Variants in ITPRID1 observed in about 807,000 individuals in gnomAD.
The protein encoded by ITPRID1 is protein ITPRID1.
Under a neutral mutation model 95.4 loss-of-function variants are expected in ITPRID1, and 96 were observed. The ratio of observed to expected loss-of-function variants is 1.01; its 90% CI spans 0.85 to 1.19. The LOEUF is 1.19. Ranked by LOEUF, ITPRID1 falls within the 50% of genes most tolerant of loss-of-function variation. The pLI, the probability that ITPRID1 is intolerant of heterozygous loss-of-function variation, is 0.00. For synonymous variants in ITPRID1, 510 were observed against 453.6 expected (o/e 1.12, Z -1.58); for missense variants, 1,339 against 1,252.9 (o/e 1.07, Z -1.04).
Position 31,653,845 on chromosome 7 carries a change from A to C in ITPRID1, c.*1016A>C, listed in dbSNP as rs1679485035. Among the ~76,000 whole-genome samples, 1 of 152,214 alleles carries C rather than the reference A, an allele frequency of 6.6e-6. No homozygotes were observed. Among genetic ancestry groups the C allele is most frequent in the African/African-American group, 2.4e-5 (1 of 41,458 alleles). ...CACAGAAGGGAATCCGATTTAGATCAATGTTCAGACAGCCCTGGTTGAGGA... is the reference window on the plus strand; with the variant it reads ...CACAGAAGGGAATCCGATTTAGATCCATGTTCAGACAGCCCTGGTTGAGGA... On this transcript the variant is annotated 3_prime_UTR_variant, in exon 15 of 15. Transcript: ENST00000615280.
chr7:31,588,213 A>C (rs1485568938), intron 10 of ITPRID1, among the ~76,000 whole-genome samples: 1 of 152,180 alleles, frequency 6.6e-6, no homozygotes, highest in African/African-American at 2.4e-5. Context: ...AAAAGTGAAC[A>C]AAGAGTGGAG....
intron 1 of ITPRID1, among the ~76,000 whole-genome samples, chr7:31,514,518 A>G (rs17160228): frequency 0.032 from 4,858 of 152,324 alleles, 193 homozygotes; most frequent in African/African-American, 0.088. Context: ...CTAATAATTG[A>G]CAATTAAATA....
rs1013380804 is a variant in ITPRID1, at chr7:31,583,017, G to A, written c.1171-117G>A. Reference sequence around the variant, plus strand: ...TCCCAGCAGATTGCAAGTTATTTGAGTTCAGGAACTCATGTTTATCCCTCT... The same window carrying A: ...TCCCAGCAGATTGCAAGTTATTTGAATTCAGGAACTCATGTTTATCCCTCT... On this transcript the variant is annotated intron_variant, in intron 9 of 14. Coordinates refer to ENST00000615280, the MANE Select transcript of ITPRID1 (RefSeq NM_001257967.3). The A allele has an allele frequency of 3.1e-5, 20 of 649,500 alleles. No individual in the cohort carries two copies. In the Admixed American group the frequency reaches 4.2e-4, roughly 14 times the overall value. The allele number at this position is 649,500 out of a possible 1,614,324, so 40.2% of individuals were successfully genotyped here.
In ITPRID1 at chr7:31,653,134, T is replaced by C; in HGVS notation, c.*305T>C. ...GAGATAGAATTGCAAACAAAAAGTA[T>C]CTGAGACAGACCTCAGTCAATATAG... On this transcript the variant is annotated 3_prime_UTR_variant, in exon 15 of 15. Coordinates refer to ENST00000615280, the MANE Select transcript of ITPRID1 (RefSeq NM_001257967.3). The C allele has an allele frequency of 2.5e-6, 1 of 404,930 alleles. No individual in the cohort carries two copies. Among genetic ancestry groups the C allele is most frequent in the Non-Finnish European group, 4.0e-6 (1 of 249,908 alleles). The allele number at this position is 404,930 out of a possible 1,614,324, so 25.1% of individuals were successfully genotyped here. A position where few individuals can be genotyped will look rare whatever the true frequency, so the allele number is the denominator to read the frequency against.
At chr7:31,652,437 G>T in intron 14 of ITPRID1, 81 bp from the exon 15 acceptor site, 3 of 1,491,698 alleles carry the variant, frequency 2.0e-6, no homozygotes, top group Non-Finnish European at 2.7e-6. Flanking sequence ...ACCTCATAAT[G>T]CCTAGCTCAC....
At chr7:31,576,921 CTT>C (rs397890827) in intron 8 of ITPRID1, among the ~76,000 whole-genome samples, 11 of 146,496 alleles carry the variant, frequency 7.5e-5, no homozygotes, top group South Asian at 4.4e-4. Flanking sequence ...ATATTTTCCA[CTT>C]TTTTTTTTTT....
chr7:31,554,623 G>T, intron 4 of ITPRID1, 100 bp downstream of exon 4: 1 of 1,424,566 alleles, frequency 7.0e-7, no homozygotes, highest in East Asian at 2.4e-5. Context: ...GGAAGTGTAG[G>T]GATTTTCATT....
At chr7:31,609,360 G>C (rs1255060735) in intron 10 of ITPRID1, among the ~76,000 whole-genome samples, 1 of 151,576 alleles carries the variant, frequency 6.6e-6, no homozygotes, top group Non-Finnish European at 1.5e-5. Flanking sequence ...ATATCTTTTG[G>C]AAGAGTTTGT....
intron 1 of ITPRID1, among the ~76,000 whole-genome samples, chr7:31,531,341 T>G (rs1783589506): frequency 6.6e-6 from 1 of 152,202 alleles, no homozygotes; most frequent in East Asian, 1.9e-4. Flanking sequence ...TAAAATATTT[T>G]TAAGAGTACC....
At chr7:31,561,610 A>C (rs1434647804) in intron 5 of ITPRID1, among the ~76,000 whole-genome samples, 1 of 152,184 alleles carries the variant, frequency 6.6e-6, no homozygotes, top group Admixed American at 6.5e-5. Context: ...GTCTCACTGA[A>C]GCACTTCCCA....
chr7:31,611,995 T>G (rs962126781), intron 10 of ITPRID1, among the ~76,000 whole-genome samples: 4 of 151,962 alleles, frequency 2.6e-5, no homozygotes, highest in Non-Finnish European at 5.9e-5. Context: ...ATGGTATATT[T>G]GATGGTGTTT....
Position 31,656,300 on chromosome 7 carries a change from T to C in ITPRID1, c.*3471T>C. The C allele has an allele frequency of 5.5e-6, 1 of 182,346 alleles. No homozygotes were observed. Among genetic ancestry groups the C allele is most frequent in the Non-Finnish European group, 1.0e-5 (1 of 95,550 alleles). The allele number at this position is 182,346 out of a possible 1,614,324, so 11.3% of individuals were successfully genotyped here. A position where few individuals can be genotyped will look rare whatever the true frequency, so the allele number is the denominator to read the frequency against. On this transcript the variant is annotated 3_prime_UTR_variant, in exon 15 of 15. Transcript: ENST00000615280. ...TACAGACTCCTTTCTTTATCATGTG[T>C]GACCTCGGGCACTTGCTCTCTTTAC... is the stretch of plus-strand genomic sequence containing the variant.
At chr7:31,612,896 A>C (rs1786941484) in intron 10 of ITPRID1, among the ~76,000 whole-genome samples, 2 of 152,158 alleles carry the variant, frequency 1.3e-5, no homozygotes, top group African/African-American at 4.8e-5. Flanking sequence ...CTATTAGCCA[A>C]GTTTATTATT....
chr7:31,527,878 G>A (rs541837902), intron 1 of ITPRID1, among the ~76,000 whole-genome samples: 1 of 152,132 alleles, frequency 6.6e-6, no homozygotes, highest in Non-Finnish European at 1.5e-5. Context: ...GATGATATCT[G>A]TATGTTGGCA....
chr7:31,517,847 T>TA (rs1783098118), intron 1 of ITPRID1: 2 of 152,412 alleles, frequency 1.3e-5, no homozygotes, highest in African/African-American at 4.8e-5. Context: ...CGAGGGCTGC[T>TA]AGCACATTGT....
chr7:31,582,576 G>T (rs987762857), intron 9 of ITPRID1, among the ~76,000 whole-genome samples: 2 of 151,960 alleles, frequency 1.3e-5, no homozygotes, highest in African/African-American at 4.8e-5. Context: ...CTTCTTCTAT[G>T]TATCAGTTTC....
At chr7:31,527,940 A>C (rs776522281) in intron 1 of ITPRID1, among the ~76,000 whole-genome samples, 17 of 152,180 alleles carry the variant, frequency 1.1e-4, no homozygotes, top group Non-Finnish European at 2.1e-4. Context: ...TTGGAATTAC[A>C]GTGCTTTGGT....
intron 5 of ITPRID1, among the ~76,000 whole-genome samples, chr7:31,559,101 G>C (rs1249883608): frequency 6.6e-6 from 1 of 152,024 alleles, no homozygotes; most frequent in Non-Finnish European, 1.5e-5. Context: ...AATTTTGCTG[G>C]ATTATTGCCC....
In ITPRID1 at chr7:31,572,147, C is replaced by T. The variant is rs146605019; in HGVS notation, c.354C>T (p.Thr118=). 366 of 1,611,874 alleles carry T rather than the reference C, an allele frequency of 2.3e-4. 1 individual carries two copies. The highest frequency in any genetic ancestry group is 1.5e-3 in the Middle Eastern group (9 of 6,054). ...FSETPILSRG[T]SFNSCYSTAS... is the part of the protein sequence containing the mutation. Reference sequence around the variant, plus strand: ...AAACTCCCATCCTATCCAGAGGGACCAGTTTCAACTCTTGCTATTCTACTG... The same window carrying T: ...AAACTCCCATCCTATCCAGAGGGACTAGTTTCAACTCTTGCTATTCTACTG... The change falls in exon 7 of 15, where the codon ACC becomes ACT. Residue 118 remains threonine (T), a synonymous_variant. Transcript: ENST00000615280.
Sources: allele counts gnomAD v4.1 joint callset (sites outside exome capture counted in the v4.1 genomes callset), GRCh38; gene constraint gnomAD v4.1.1; transcripts MANE v1.5; gene names NCBI Gene and HGNC (gene_info 2026-07-23, HGNC 2026-07-21).